Variants in GSK3B observed in about 807,000 individuals in gnomAD.
GSK3B encodes glycogen synthase kinase-3 beta.
A neutral mutation model predicts 56.4 loss-of-function variants in GSK3B; 15 were observed. The observed-to-expected ratio is 0.27, with a 90% CI of 0.18 to 0.41. GSK3B has a LOEUF of 0.41. GSK3B is among the 10% of genes least tolerant of loss of function. GSK3B has a pLI of 1.00. For synonymous variants in GSK3B, 181 were observed against 188.9 expected (o/e 0.96, Z 0.34); for missense variants, 300 against 513.4 (o/e 0.58, Z 4.02).
intron 2 of GSK3B, among the ~76,000 whole-genome samples, chr3:119,996,241 G>T (rs1338142179): frequency 6.6e-6 from 1 of 152,184 alleles, no homozygotes; most frequent in Non-Finnish European, 1.5e-5. Flanking sequence ...TCAAGTGTTT[G>T]TTATTCTTAA....
chr3:119,833,481 G>A (rs1028945765), intron 10 of GSK3B, among the ~76,000 whole-genome samples: 2 of 151,912 alleles, frequency 1.3e-5, no homozygotes, highest in African/African-American at 2.4e-5. Context: ...AACTACATAA[G>A]GCTATTTATT....
rs557887560 is a variant in GSK3B at position 119,824,369 on chromosome 3, A to G, written c.*2419T>C. ...CACACACACGCACACATGCACACAC[A>G]ATGAAATGAGAGAAAAGCGTGACTT... is the stretch of plus-strand genomic sequence containing the variant. On this transcript the variant is annotated 3_prime_UTR_variant, in exon 11 of 11. Transcript: ENST00000264235. The G allele has an allele frequency of 4.5e-6, 1 of 222,846 alleles. No homozygotes were observed. 13.8% of individuals were successfully genotyped at this position (222,846 alleles called of 1,614,324 possible).
At chr3:119,862,667 G>GTTTTT (rs79778347) in intron 9 of GSK3B, among the ~76,000 whole-genome samples, 82 of 110,358 alleles carry the variant, frequency 7.4e-4, no homozygotes, top group Middle Eastern at 5.6e-3. Flanking sequence ...ACTATTTCTT[G>GTTTTT]TTTTTTTTTT....
chr3:120,038,378 A>G (rs2107528942), intron 1 of GSK3B, among the ~76,000 whole-genome samples: 1 of 152,318 alleles, frequency 6.6e-6, no homozygotes, highest in East Asian at 1.9e-4. Context: ...CAACCTGGGC[A>G]ACATGGTGAA....
intron 10 of GSK3B, among the ~76,000 whole-genome samples, chr3:119,838,224 G>C (rs898946494): frequency 6.6e-6 from 1 of 151,804 alleles, no homozygotes; most frequent in Non-Finnish European, 1.5e-5. Context: ...AGGAGTTGGA[G>C]GTTACATGAG....
At chr3:120,086,111 C>T (rs2058461376) in intron 1 of GSK3B, among the ~76,000 whole-genome samples, 1 of 151,964 alleles carries the variant, frequency 6.6e-6, no homozygotes. Flanking sequence ...TTAAATGACT[C>T]CATGCAGTGC....
At chr3:119,888,347 A>T (rs1046449244) in intron 7 of GSK3B, among the ~76,000 whole-genome samples, 2 of 152,182 alleles carry the variant, frequency 1.3e-5, no homozygotes, top group Non-Finnish European at 2.9e-5. Flanking sequence ...TCAGTTCCCA[A>T]ATAATACTCT....
intron 9 of GSK3B, among the ~76,000 whole-genome samples, chr3:119,861,530 C>CA (rs2056102473): frequency 6.8e-6 from 1 of 146,780 alleles, no homozygotes; most frequent in African/African-American, 2.5e-5. Context: ...AAAAACAAAA[C>CA]AAACAAACAA....
chr3:120,003,027 T>C (rs1576262818), intron 1 of GSK3B, among the ~76,000 whole-genome samples: 1 of 152,032 alleles, frequency 6.6e-6, no homozygotes, highest in East Asian at 1.9e-4. Flanking sequence ...AGTGTTTGCT[T>C]CCCTGAATCT....
At chr3:120,024,671 A>G (rs1376261448) in intron 1 of GSK3B, among the ~76,000 whole-genome samples, 2 of 152,216 alleles carry the variant, frequency 1.3e-5, no homozygotes, top group Non-Finnish European at 2.9e-5. Flanking sequence ...GCATTAGATA[A>G]TAACTGAAGT....
At chr3:120,051,829 T>C (rs963737563) in intron 1 of GSK3B, among the ~76,000 whole-genome samples, 4 of 150,114 alleles carry the variant, frequency 2.7e-5, no homozygotes, top group African/African-American at 7.4e-5. Flanking sequence ...GACTTGCAAA[T>C]AGGAAGTATT....
intron 1 of GSK3B, among the ~76,000 whole-genome samples, chr3:120,007,650 G>A (rs750417938): frequency 6.6e-6 from 1 of 152,108 alleles, no homozygotes; most frequent in African/African-American, 2.4e-5. Context: ...CACATAAACA[G>A]AACCAATGAC....
chr3:120,035,549 G>A (rs995975777), intron 1 of GSK3B, among the ~76,000 whole-genome samples: 3 of 152,152 alleles, frequency 2.0e-5, no homozygotes, highest in Non-Finnish European at 2.9e-5. Flanking sequence ...TAAACCACTG[G>A]AACTGTAGAT....
chr3:120,041,188 T>C (rs996526952), intron 1 of GSK3B: 2 of 187,162 alleles, frequency 1.1e-5, no homozygotes, highest in African/African-American at 2.4e-5. Flanking sequence ...ACAGGCTACA[T>C]TATGGGACAT....
Position 119,821,504 on chromosome 3 carries a change from G to A in GSK3B, c.*5284C>T, listed in dbSNP as rs184240292. The A allele has an allele frequency of 6.6e-6, 1 of 152,240 alleles. No homozygotes were observed. The highest frequency in any genetic ancestry group is 1.9e-4 in the East Asian group (1 of 5,186). The allele number at this position is 152,240 out of a possible 1,614,324, so 9.4% of individuals were successfully genotyped here. On this transcript the variant is annotated 3_prime_UTR_variant, in exon 11 of 11. Transcript: ENST00000264235. ...AGCAGACTCAAACACAACATGTGTT[G>A]GTTACCTGGGAGGTACAGCCCCACT...
intron 9 of GSK3B, among the ~76,000 whole-genome samples, chr3:119,857,577 C>A (rs546477308): frequency 6.6e-6 from 1 of 152,326 alleles, no homozygotes; most frequent in South Asian, 2.1e-4. Flanking sequence ...ACTATTTTCA[C>A]CACATCTGCA....
chr3:119,905,600 C>T (rs1162547868), intron 7 of GSK3B, among the ~76,000 whole-genome samples, 155 bp downstream of exon 7: 1 of 152,006 alleles, frequency 6.6e-6, no homozygotes, highest in African/African-American at 2.4e-5. Context: ...GCTGGGGGGG[C>T]GTTCTTATAC....
At chr3:120,023,249 A>G (rs540432817) in intron 1 of GSK3B, among the ~76,000 whole-genome samples, 15 of 151,642 alleles carry the variant, frequency 9.9e-5, no homozygotes, top group Admixed American at 2.0e-4. Context: ...AAAGGGTTTG[A>G]TGTGAATATA....
At chr3:119,970,566 T>C (rs2057355716) in intron 2 of GSK3B, among the ~76,000 whole-genome samples, 1 of 150,590 alleles carries the variant, frequency 6.6e-6, no homozygotes, top group African/African-American at 2.4e-5. Flanking sequence ...GGTCAGGAGT[T>C]TGAGACCAGC....
Sources: allele counts gnomAD v4.1 joint callset (sites outside exome capture counted in the v4.1 genomes callset), GRCh38; gene constraint gnomAD v4.1.1; transcripts MANE v1.5; gene names NCBI Gene and HGNC (gene_info 2026-07-23, HGNC 2026-07-21).